The following ATP2B2 variants were observed in gnomAD, a reference collection of about 807,000 sequenced individuals.
ATP2B2 encodes the protein ATPase plasma membrane Ca2+ transporting 2.
In ATP2B2, 15 loss-of-function variants were observed where a neutral mutation model predicts 120.0. The ratio of observed to expected loss-of-function variants is 0.12; its 90% CI spans 0.08 to 0.19. ATP2B2 has a LOEUF of 0.19. Ranked by LOEUF, ATP2B2 falls within the 10% of genes least tolerant of loss-of-function variation. The pLI, the probability that ATP2B2 is intolerant of heterozygous loss-of-function variation, is 1.00. For synonymous variants in ATP2B2, 694 were observed against 700.3 expected (o/e 0.99, Z 0.14); for missense variants, 1,045 against 1,719.8 (o/e 0.61, Z 6.94).
chr3:10,426,854 GGGGAT>G (rs1395948026), intron 2 of ATP2B2, among the ~76,000 whole-genome samples: 8 of 151,446 alleles, frequency 5.3e-5, no homozygotes, highest in Admixed American at 1.3e-4. Flanking sequence ...GAATTTTGCG[GGGGAT>G]AGGAGGGTGG....
At chr3:10,460,187 T>C (rs1355932049) in intron 1 of ATP2B2, among the ~76,000 whole-genome samples, 2 of 152,146 alleles carry the variant, frequency 1.3e-5, no homozygotes, top group Non-Finnish European at 2.9e-5. Context: ...GGGAACCTGA[T>C]AACTACAGGC....
At chr3:10,355,791 C>CTTTGTGCATGTGTGTGTGTGTGTGTGT in intron 14 of ATP2B2, among the ~76,000 whole-genome samples, 1 of 92,538 alleles carries the variant, frequency 1.1e-5, no homozygotes, top group African/African-American at 3.7e-5. Context: ...TTGTCCTTTC[C>CTTTGTGCATGTGTGTGTGTGTGTGTGT]GGCCGGGCGC....
Position 10,624,503 on chromosome 3 carries a change from G to A in ATP2B2, c.-459-4542C>T, listed in dbSNP as rs186437760. Among the ~76,000 whole-genome samples the A allele has an allele frequency of 1.7e-4, 26 of 152,282 alleles. 1 individual carries two copies. The highest frequency in any genetic ancestry group is 2.6e-4 in the African/African-American group (11 of 41,546). ...GTGCCTGGACACTGGTGTGTCCCAG[G>A]GGTTGACAATCTCAGCGCCTGAAAT... On this transcript the variant is annotated intron_variant, in intron 1 of 21. Coordinates refer to the ATP2B2 transcript ENST00000646379.
At position 10,375,059 on chromosome 3, in the gene ATP2B2, A is replaced by T. The variant is rs1345081680; in HGVS notation, c.1416+371T>A. Among the ~76,000 whole-genome samples the T allele has an allele frequency of 6.6e-6, 1 of 152,114 alleles. No homozygotes were observed. On this transcript the variant is annotated intron_variant, in intron 11 of 22. Coordinates refer to ENST00000360273, the MANE Select transcript of ATP2B2 (RefSeq NM_001001331.4). The surrounding 1 kb of genome is among the most constrained non-coding windows in gnomAD (Gnocchi z 4.2). Reference sequence around the variant, plus strand: ...ACGGTGATGTCTTTATTATTTTTTTAAAATTTTTGAGTTGATTATCAATGT... The same window carrying T: ...ACGGTGATGTCTTTATTATTTTTTTTAAATTTTTGAGTTGATTATCAATGT...
At chr3:10,666,232 G>A (rs557630901) in intron 1 of ATP2B2, among the ~76,000 whole-genome samples, 71 of 152,236 alleles carry the variant, frequency 4.7e-4, no homozygotes, top group African/African-American at 1.5e-3. Context: ...CTGCTACTAC[G>A]CTGCTTTTAA....
chr3:10,574,297 T>C (rs1436322688), intron 2 of ATP2B2, among the ~76,000 whole-genome samples: 1 of 152,132 alleles, frequency 6.6e-6, no homozygotes, highest in Admixed American at 6.5e-5. Flanking sequence ...AGGTGGTCGC[T>C]GAATGGTGGG....
intron 2 of ATP2B2, among the ~76,000 whole-genome samples, chr3:10,442,627 G>A (rs925099525): frequency 2.6e-5 from 4 of 152,184 alleles, no homozygotes; most frequent in African/African-American, 9.7e-5. Flanking sequence ...GGTGATGGGG[G>A]GAGGTGTATA....
At chr3:10,656,136 G>C (rs1417962476) in intron 1 of ATP2B2, among the ~76,000 whole-genome samples, 3 of 152,180 alleles carry the variant, frequency 2.0e-5, no homozygotes, top group Non-Finnish European at 4.4e-5. Context: ...GAGTTTGGAG[G>C]AGGGAAGGTA....
chr3:10,435,030 C>T (rs571593653), intron 2 of ATP2B2, among the ~76,000 whole-genome samples: 5 of 152,342 alleles, frequency 3.3e-5, no homozygotes, highest in African/African-American at 1.2e-4. Context: ...ACCCTTCATT[C>T]CCTTTGACAA....
At chr3:10,354,728 C>T (rs1287467103) in intron 14 of ATP2B2, among the ~76,000 whole-genome samples, 1 of 152,184 alleles carries the variant, frequency 6.6e-6, no homozygotes, top group East Asian at 1.9e-4. Flanking sequence ...GATTCAACCC[C>T]TTGACAGCCA....
intron 1 of ATP2B2, among the ~76,000 whole-genome samples, chr3:10,625,576 T>C (rs976666343): frequency 9.9e-5 from 15 of 152,170 alleles, no homozygotes; most frequent in African/African-American, 3.6e-4. Flanking sequence ...CTTGGCTTCT[T>C]GGGCGGTTTG....
chr3:10,413,086 CTCTTCACCCA>C lies in ATP2B2; in HGVS notation c.200-2281_200-2272del, dbSNP rs1409661090. Among the ~76,000 whole-genome samples, 30 of 137,894 alleles carry C rather than the reference CTCTTCACCCA, an allele frequency of 2.2e-4. No homozygotes were observed. In the East Asian group the frequency reaches 0.011, roughly 50 times the overall value. The allele number at this position is 137,894 out of a possible 152,430, so 90.5% of individuals were successfully genotyped here. A position where few individuals can be genotyped will look rare whatever the true frequency, so the allele number is the denominator to read the frequency against. On this transcript the variant is annotated intron_variant, in intron 2 of 22. Coordinates refer to ENST00000360273, the MANE Select transcript of ATP2B2 (RefSeq NM_001001331.4). ...GTTCTAACAGTCTGTTGTTCATTGC[CTCTTCACCCA>C]TTCATTCATTCAGTTTGCATTCCTG...
At chr3:10,373,764 G>T (rs1559245523) in intron 11 of ATP2B2, among the ~76,000 whole-genome samples, 1 of 152,150 alleles carries the variant, frequency 6.6e-6, no homozygotes, top group South Asian at 2.1e-4. Flanking sequence ...TTGTAGAGAT[G>T]GGGTCTCACT....
intron 12 of ATP2B2, among the ~76,000 whole-genome samples, chr3:10,368,359 A>C (rs759528875): frequency 5.3e-5 from 8 of 152,098 alleles, no homozygotes; most frequent in Non-Finnish European, 1.0e-4. Flanking sequence ...TCTTGCTGCC[A>C]TACAAGAACA....
chr3:10,562,098 T>G (rs768721825), intron 2 of ATP2B2, among the ~76,000 whole-genome samples: 1 of 152,220 alleles, frequency 6.6e-6, no homozygotes, highest in Non-Finnish European at 1.5e-5. Flanking sequence ...AGAATGTGGA[T>G]GAGGTCTGCT....
Position 10,338,226 on chromosome 3 carries a change from G to A in ATP2B2, c.3370C>T (p.Arg1124Trp). 2.5e-6 allele frequency: 4 copies of A among 1,614,164 alleles called. No homozygotes were observed. Among genetic ancestry groups the A allele is most frequent in the Non-Finnish European group, 3.4e-6 (4 of 1,180,040 alleles). The stretch of plus-strand genomic sequence containing the variant: ...CGGAACCACAGGATCTGGCCCCGCC[G>A]CAGCTCCCGCTCCGCGTGGTCGATC... ...EEIDHAERELRRGQILWFRGL... is the reference protein window; with the variant it reads ...EEIDHAERELWRGQILWFRGL... The change falls in exon 22 of 23, where the codon CGG becomes TGG. Residue 1124 changes from arginine to tryptophan, a missense_variant. By Grantham distance (101) the Arg-to-Trp change is moderately radical. Transcript: ENST00000360273.
chr3:10,683,806 G>C, intron 1 of ATP2B2, among the ~76,000 whole-genome samples: 1 of 53,890 alleles, frequency 1.9e-5, no homozygotes, highest in Non-Finnish European at 4.0e-5. Flanking sequence ...ATATATATAT[G>C]TAAAGAGACA....
At chr3:10,531,666 C>T (rs913015089) in intron 3 of ATP2B2, among the ~76,000 whole-genome samples, 1 of 152,142 alleles carries the variant, frequency 6.6e-6, no homozygotes, top group Admixed American at 6.5e-5. Flanking sequence ...CCTGGCAATC[C>T]AGGCGTTGGA....
chr3:10,548,762 C>G (rs753297566), intron 2 of ATP2B2, among the ~76,000 whole-genome samples: 2 of 152,160 alleles, frequency 1.3e-5, no homozygotes, highest in Non-Finnish European at 2.9e-5. Flanking sequence ...CTGGAAGAAC[C>G]CAGTCTAAGG....
Sources: gnomAD v4.1 joint callset for allele counts (sites outside exome capture counted in the v4.1 genomes callset) on GRCh38, gnomAD v4.1.1 for gene constraint, Gnocchi (gnomAD v3.1) non-coding constraint, MANE v1.5 for transcripts, NCBI Gene and HGNC (gene_info 2026-07-23, HGNC 2026-07-21) for gene names.